Variants in KDELR3 observed in about 807,000 individuals in gnomAD.
KDELR3 encodes KDEL endoplasmic reticulum protein retention receptor 3.
In KDELR3, 26 loss-of-function variants were observed where a neutral mutation model predicts 22.7. The observed-to-expected ratio is 1.15, with a 90% CI of 0.84 to 1.59. The LOEUF (loss-of-function observed/expected upper bound fraction) is 1.59. Ranked by LOEUF, KDELR3 falls within the 40% of genes most tolerant of loss-of-function variation. KDELR3 has a pLI of 0.00. For synonymous variants in KDELR3, 120 were observed against 98.2 expected (o/e 1.22, Z -1.31); for missense variants, 289 against 251.1 (o/e 1.15, Z -1.02).
At chr22:38,470,126 CTTT>C (rs1156916332) in intron 1 of KDELR3, among the ~76,000 whole-genome samples, 8 of 120,516 alleles carry the variant, frequency 6.6e-5, no homozygotes, top group African/African-American at 9.2e-5. Flanking sequence ...GCGCCCACTT[CTTT>C]TTTTTTTTTT....
At chr22:38,474,452 G>C (rs1303160874) in intron 1 of KDELR3, 71 bp from the exon 2 acceptor site, 4 of 1,237,312 alleles carry the variant, frequency 3.2e-6, no homozygotes. Context: ...GCTCCAGGCT[G>C]TGCACCTCTT....
At chr22:38,476,399 T>C (rs2089557989) in intron 2 of KDELR3, among the ~76,000 whole-genome samples, 1 of 152,054 alleles carries the variant, frequency 6.6e-6, no homozygotes, top group South Asian at 2.1e-4. Flanking sequence ...TTTGTATTTT[T>C]AGTAGAGACA....
At chr22:38,472,874 T>C (rs2089533949) in intron 1 of KDELR3, among the ~76,000 whole-genome samples, 1 of 152,026 alleles carries the variant, frequency 6.6e-6, no homozygotes, top group Admixed American at 6.6e-5. Context: ...TAATTTTGTA[T>C]TTTTTAGTGG....
intron 1 of KDELR3, 96 bp from the exon 2 acceptor site, chr22:38,474,427 C>G: frequency 1.0e-6 from 1 of 957,614 alleles, no homozygotes; most frequent in Non-Finnish European, 1.7e-6. Flanking sequence ...AGTGGACACT[C>G]TAGAGGCCTC....
intron 3 of KDELR3, among the ~76,000 whole-genome samples, chr22:38,480,797 C>G (rs952303945): frequency 6.6e-6 from 1 of 151,750 alleles, no homozygotes; most frequent in Admixed American, 6.6e-5. Flanking sequence ...TGTAGTGGCA[C>G]ATGCCTGTAT....
At chr22:38,479,051 A>G (rs2089580165) in intron 2 of KDELR3, among the ~76,000 whole-genome samples, 1 of 152,066 alleles carries the variant, frequency 6.6e-6, no homozygotes, top group African/African-American at 2.4e-5. Context: ...TGTGATTAGG[A>G]GAGCTTTTCT....
In KDELR3 at chr22:38,468,097, C is replaced by T. The variant is rs1002706301; in HGVS notation, c.-137C>T. 6 of 713,960 alleles carry T rather than the reference C, an allele frequency of 8.4e-6. No homozygotes were observed. Among genetic ancestry groups the T allele is most frequent in the Non-Finnish European group, 9.4e-6 (4 of 426,130 alleles). 44.2% of individuals were successfully genotyped at this position (713,960 alleles called of 1,614,324 possible). A position where few individuals can be genotyped will look rare whatever the true frequency, so the allele number is the denominator to read the frequency against. On this transcript the variant is annotated 5_prime_UTR_variant, in exon 1 of 5. Coordinates refer to ENST00000216014, the MANE Select transcript of KDELR3 (RefSeq NM_006855.4). ...GTGCGTGGGCGGCGGCGCGCGGGTG[C>T]GATCGCGGAGCTGTGAGGCGCAGGC... is the stretch of plus-strand genomic sequence containing the variant.
intron 2 of KDELR3, among the ~76,000 whole-genome samples, 183 bp from the exon 3 acceptor site, chr22:38,479,410 T>C (rs2089582629): frequency 6.6e-6 from 1 of 152,186 alleles, no homozygotes; most frequent in Admixed American, 6.5e-5. Flanking sequence ...AGTTATTTAA[T>C]GAAAGGGTCA....
At position 38,482,517 on chromosome 22, in the gene KDELR3, GT is replaced by G; in HGVS notation, c.627del (p.Leu210PhefsTer15). The G allele has an allele frequency of 6.2e-7, 1 of 1,612,996 alleles. No individual in the cohort carries two copies. The highest frequency in any genetic ancestry group is 8.5e-7 in the Non-Finnish European group (1 of 1,178,980). On this transcript the variant is annotated frameshift_variant, in exon 5 of 5. Transcript: ENST00000216014. LOFTEE classifies it high-confidence loss of function. Reference sequence around the variant, plus strand: ...CCAGTCCTTAAGGGAAAGAAGTTAAGTCTTCCAATGCCAATCTGAGGACCTT... The same window carrying G: ...CCAGTCCTTAAGGGAAAGAAGTTAAGCTTCCAATGCCAATCTGAGGACCTT... ...VTKVLKGKKL[S>X]LPMPI
intron 1 of KDELR3, among the ~76,000 whole-genome samples, chr22:38,470,193 G>A (rs1417496644): frequency 1.3e-5 from 2 of 150,698 alleles, no homozygotes; most frequent in Non-Finnish European, 2.9e-5. Flanking sequence ...GCGCAATCTC[G>A]GCTCACTGCA....
At chr22:38,474,298 A>ACAG in intron 1 of KDELR3, 1 of 434,544 alleles carries the variant, frequency 2.3e-6, no homozygotes, top group South Asian at 3.5e-5. Flanking sequence ...TTATTTGGAG[A>ACAG]CTGGGAGACA....
At chr22:38,480,412 C>T (rs938299435) in intron 3 of KDELR3, among the ~76,000 whole-genome samples, 1 of 152,044 alleles carries the variant, frequency 6.6e-6, no homozygotes, top group Non-Finnish European at 1.5e-5. Flanking sequence ...CCAAAGTTCT[C>T]GGATTATAGG....
chr22:38,482,951 A>C lies in KDELR3; in HGVS notation c.*415A>C, dbSNP rs1319082261. ...TAAAATATTAGGGTACGTTCTTGTG[A>C]ATTTCCACTTTCCAGGTAGATGACC... On this transcript the variant is annotated 3_prime_UTR_variant, in exon 5 of 5. Coordinates refer to ENST00000216014, the MANE Select transcript of KDELR3 (RefSeq NM_006855.4). 1 of 167,336 alleles carries C rather than the reference A, an allele frequency of 6.0e-6. No homozygotes were observed. The highest frequency in any genetic ancestry group is 1.3e-5 in the Non-Finnish European group (1 of 78,338). The allele number at this position is 167,336 out of a possible 1,614,324, so 10.4% of individuals were successfully genotyped here.
Position 38,482,484 on chromosome 22 carries a change from A to G in KDELR3, c.605-12A>G, listed in dbSNP as rs765351994. 3.7e-6 allele frequency: 6 copies of G among 1,607,326 alleles called. No homozygotes were observed. In the East Asian group the frequency reaches 1.1e-4, roughly 30 times the overall value. ...GATGGTAAATTCTTATTTCATCTCC[A>G]TTTTCTTCCAGTCCTTAAGGGAAAG... On this transcript the variant is annotated splice_polypyrimidine_tract_variant and intron_variant, in intron 4 of 4. Coordinates refer to ENST00000216014, the MANE Select transcript of KDELR3 (RefSeq NM_006855.4).
rs114633846 is a variant in KDELR3 at position 38,482,679 on chromosome 22, T to C, written c.*143T>C. ...TGTGGATTTCAGCAAAACCTGATCATCCCACCCAGAAGACCTTCTCATCAA... is the reference window on the plus strand; with the variant it reads ...TGTGGATTTCAGCAAAACCTGATCACCCCACCCAGAAGACCTTCTCATCAA... On this transcript the variant is annotated 3_prime_UTR_variant, in exon 5 of 5. Transcript: ENST00000216014. 3.7e-4 allele frequency: 266 copies of C among 712,902 alleles called. No individual in the cohort carries two copies. The African/African-American group carries it at 4.1e-3, about 11-fold the overall frequency. 44.2% of individuals were successfully genotyped at this position (712,902 alleles called of 1,614,324 possible).
chr22:38,468,491 A>C (rs1301777239), intron 1 of KDELR3, among the ~76,000 whole-genome samples, 167 bp downstream of exon 1: 2 of 152,136 alleles, frequency 1.3e-5, no homozygotes, highest in Admixed American at 6.5e-5. Context: ...AAGTTGTATA[A>C]AATCAGAGGA....
At chr22:38,479,492 T>C (rs1569133272) in intron 2 of KDELR3, 101 bp from the exon 3 acceptor site, 1 of 1,096,044 alleles carries the variant, frequency 9.1e-7, no homozygotes, top group East Asian at 2.4e-5. Context: ...TGTTACATTA[T>C]GGCAGAACAC....
chr22:38,471,648 G>T (rs1194423942), intron 1 of KDELR3, among the ~76,000 whole-genome samples: 2 of 152,190 alleles, frequency 1.3e-5, no homozygotes, highest in Non-Finnish European at 2.9e-5. Context: ...GACTTCAGGG[G>T]TGTTCCTTCT....
At chr22:38,481,723 C>T (rs1391319645) in intron 4 of KDELR3, 4 of 1,205,254 alleles carry the variant, frequency 3.3e-6, no homozygotes, top group South Asian at 3.3e-5. Flanking sequence ...AAAAACATTC[C>T]AGAACTTATT....
Sources: allele counts gnomAD v4.1 joint callset (sites outside exome capture counted in the v4.1 genomes callset), GRCh38; gene constraint gnomAD v4.1.1; transcripts MANE v1.5; gene names NCBI Gene and HGNC (gene_info 2026-07-23, HGNC 2026-07-21).